Variants in RAD50 observed in about 807,000 individuals in gnomAD.
RAD50 encodes the protein RAD50 double strand break repair protein, also known as DNA repair protein RAD50.
A neutral mutation model predicts 168.8 loss-of-function variants in RAD50; 132 were observed. The observed-to-expected ratio is 0.78, with a 90% confidence interval of 0.68 to 0.90. RAD50 has a LOEUF of 0.90. RAD50 is among the 40% of genes least tolerant of loss of function. The pLI is 0.00. For missense variants in RAD50, 1,347 were observed against 1,534.4 expected (o/e 0.88, Z 2.04); for synonymous variants, 525 against 497.4 (o/e 1.06, Z -0.74).
At chr5:132,573,746 G>A in intron 2 of RAD50, among the ~76,000 whole-genome samples, 1 of 152,234 alleles carries the variant, frequency 6.6e-6, no homozygotes, top group East Asian at 1.9e-4. Context: ...TGGGGATACA[G>A]GCATTGGGCA....
At chr5:132,623,373 T>G (rs1330190301) in intron 21 of RAD50, among the ~76,000 whole-genome samples, 1 of 152,128 alleles carries the variant, frequency 6.6e-6, no homozygotes, top group African/African-American at 2.4e-5. Context: ...TGCCAGCTAC[T>G]CAGGAGGCTG....
intron 22 of RAD50, 35 bp from the exon 23 acceptor site, chr5:132,638,046 T>C: frequency 6.2e-7 from 1 of 1,608,144 alleles, no homozygotes; most frequent in South Asian, 1.1e-5. Flanking sequence ...CTACAGAGCA[T>C]AGGTTCCTCT....
At chr5:132,603,654 C>G (rs1750928635) in intron 14 of RAD50, among the ~76,000 whole-genome samples, 165 bp downstream of exon 14, 2 of 152,244 alleles carry the variant, frequency 1.3e-5, no homozygotes, top group South Asian at 4.2e-4. Context: ...AGTTTACATC[C>G]CTGGGTTTAA....
chr5:132,595,359 A>G (rs929741161), intron 12 of RAD50: 2 of 494,576 alleles, frequency 4.0e-6, no homozygotes, highest in Admixed American at 3.8e-5. Context: ...TATACTTATA[A>G]TGTGTTACCA....
chr5:132,619,290 A>C (rs901529097), intron 21 of RAD50, among the ~76,000 whole-genome samples: 2 of 152,232 alleles, frequency 1.3e-5, no homozygotes, highest in Admixed American at 1.3e-4. Context: ...CACTAGCAGT[A>C]TATAAGGGTT....
chr5:132,577,582 A>G (rs1561635074), intron 3 of RAD50, among the ~76,000 whole-genome samples: 1 of 152,114 alleles, frequency 6.6e-6, no homozygotes, highest in African/African-American at 2.4e-5. Flanking sequence ...ACAGCTACAT[A>G]CTACTTCATT....
At chr5:132,591,525 G>A (rs1345870913) in intron 10 of RAD50, 119 bp downstream of exon 10, 1 of 979,916 alleles carries the variant, frequency 1.0e-6, no homozygotes, top group Non-Finnish European at 1.6e-6. Flanking sequence ...TAGAGGCTAA[G>A]TGAGCTTAGT....
rs1243458192 is a variant in RAD50, at chr5:132,640,810, G to T, written c.3752+5G>T. 1.2e-6 allele frequency: 2 copies of T among 1,613,200 alleles called. No homozygotes were observed. Among genetic ancestry groups the T allele is most frequent in the Admixed American group, 3.3e-5 (2 of 59,952 alleles). ...TCTTGCACATGCTCTGGTTGAGTAAGTATCTCTTGCACATGCTCTGGTTGA... is the reference window on the plus strand; with the variant it reads ...TCTTGCACATGCTCTGGTTGAGTAATTATCTCTTGCACATGCTCTGGTTGA... On this transcript the variant is annotated splice_donor_5th_base_variant and intron_variant, in intron 24 of 24. Transcript: ENST00000378823.
intron 8 of RAD50, 61 bp downstream of exon 8, chr5:132,588,941 G>T: frequency 5.3e-6 from 8 of 1,523,378 alleles, no homozygotes; most frequent in Non-Finnish European, 7.2e-6. Context: ...TACTTGAATT[G>T]TTTTAATTTT....
rs1581025446 is a variant in RAD50 at position 132,642,562 on chromosome 5, A to C, written c.*198A>C. 6 of 621,416 alleles carry C rather than the reference A, an allele frequency of 9.7e-6. No homozygotes were observed. The highest frequency in any genetic ancestry group is 8.8e-4 in the Middle Eastern group (2 of 2,282). The allele number at this position is 621,416 out of a possible 1,614,324, so 38.5% of individuals were successfully genotyped here. A position where few individuals can be genotyped will look rare whatever the true frequency, so the allele number is the denominator to read the frequency against. ...AAATTGGACAGATTGCCTGTTTCTG[A>C]TTTGCTGCTCTTCATCCCATTCCAG... is the stretch of plus-strand genomic sequence containing the variant. On this transcript the variant is annotated 3_prime_UTR_variant, in exon 25 of 25. Transcript: ENST00000378823.
At chr5:132,569,970 T>C (rs116161125) in intron 2 of RAD50, among the ~76,000 whole-genome samples, 1,531 of 152,276 alleles carry the variant, frequency 0.01, 27 homozygotes, top group African/African-American at 0.035. Context: ...AGCTAGATAA[T>C]GCTTAGAGAG....
chr5:132,591,523 A>T, intron 10 of RAD50, 117 bp downstream of exon 10: 2 of 1,023,696 alleles, frequency 2.0e-6, no homozygotes, highest in South Asian at 2.8e-5. Flanking sequence ...TTTAGAGGCT[A>T]AGTGAGCTTA....
intron 21 of RAD50, among the ~76,000 whole-genome samples, chr5:132,631,210 TC>T (rs1751459234): frequency 6.9e-6 from 1 of 143,950 alleles, no homozygotes; most frequent in Admixed American, 7.2e-5. Flanking sequence ...AACCTCCACC[TC>T]CCAGGTTCAA....
Position 132,589,640 on chromosome 5 carries a change from G to A in RAD50, c.1255G>A (p.Ala419Thr), listed in dbSNP as rs786201357. 3 of 1,583,530 alleles carry A rather than the reference G, an allele frequency of 1.9e-6. No homozygotes were observed. Among genetic ancestry groups the A allele is most frequent in the East Asian group, 4.5e-5 (2 of 44,600 alleles). Reference protein sequence around the residue: ...KTANQLMNDFAEKETLKQKQI... With the variant: ...KTANQLMNDFTEKETLKQKQI... ...TTACATATGCATTTAGAATGACTTT[G>A]CAGAAAAAGAGACTCTGAAACAAAA... is the stretch of plus-strand genomic sequence containing the variant. Residue 419 changes from alanine (A) to threonine (T), a missense_variant, in exon 9 of 25, where the codon GCA (alanine) becomes ACA (threonine). By Grantham distance (58) the Ala-to-Thr change is moderately conservative (BLOSUM62 0). Coordinates refer to ENST00000378823, the MANE Select transcript of RAD50 (RefSeq NM_005732.4).
intron 2 of RAD50, among the ~76,000 whole-genome samples, chr5:132,563,545 G>A (rs930035982): frequency 2.0e-5 from 3 of 152,194 alleles, no homozygotes; most frequent in Admixed American, 6.5e-5. Context: ...TAAGGGAGGT[G>A]TTCTGGGATT....
intron 3 of RAD50, among the ~76,000 whole-genome samples, chr5:132,577,735 A>G (rs545527478): frequency 6.7e-6 from 1 of 148,414 alleles, no homozygotes; most frequent in South Asian, 2.1e-4. Context: ...TCACAGATTT[A>G]TGTCATATCT....
chr5:132,590,249 A>G (rs868063919), intron 9 of RAD50, among the ~76,000 whole-genome samples: 1 of 152,168 alleles, frequency 6.6e-6, no homozygotes, highest in Non-Finnish European at 1.5e-5. Context: ...GCAGGCAGAT[A>G]ACGTGAGGTC....
At chr5:132,639,214 A>G (rs901382681) in intron 23 of RAD50, among the ~76,000 whole-genome samples, 1 of 152,098 alleles carries the variant, frequency 6.6e-6, no homozygotes, top group Non-Finnish European at 1.5e-5. Context: ...TTAGCTGGGC[A>G]TGGTAGCATG....
chr5:132,568,788 T>C (rs1278176055), intron 2 of RAD50, among the ~76,000 whole-genome samples: 1 of 152,218 alleles, frequency 6.6e-6, no homozygotes, highest in Admixed American at 6.5e-5. Flanking sequence ...AACAAAATGG[T>C]AGAGGTAATT....
Sources: gnomAD v4.1 joint callset for allele counts (sites outside exome capture counted in the v4.1 genomes callset) on GRCh38, gnomAD v4.1.1 for gene constraint, MANE v1.5 for transcripts, NCBI Gene and HGNC (gene_info 2026-07-23, HGNC 2026-07-21) for gene names.